ZIM2: variants seen among roughly 807,000 people sequenced by gnomAD.
The protein encoded by ZIM2 is zinc finger imprinted 2.
ZIM2 carries 14 observed loss-of-function variants against 38.6 expected under a neutral mutation model. The observed-to-expected ratio is 0.36, with a 90% confidence interval of 0.24 to 0.57. ZIM2 has a LOEUF of 0.57. Ranked by LOEUF, ZIM2 falls within the 20% of genes least tolerant of loss-of-function variation. The pLI, the probability that ZIM2 is intolerant of heterozygous loss-of-function variation, is 0.81. For missense variants in ZIM2, 680 were observed against 695.1 expected (o/e 0.98, Z 0.24); for synonymous variants, 247 against 245.8 (o/e 1.00, Z -0.04).
At chr19:56,794,724 G>A (rs2047107578) in intron 9 of ZIM2, among the ~76,000 whole-genome samples, 1 of 152,060 alleles carries the variant, frequency 6.6e-6, no homozygotes. Context: ...AGTCACAAGA[G>A]CCCCATTCTC....
intron 9 of ZIM2, among the ~76,000 whole-genome samples, chr19:56,794,970 C>T (rs1408984152): frequency 6.6e-6 from 1 of 152,194 alleles, no homozygotes; most frequent in East Asian, 1.9e-4. Context: ...ATACGGCTTT[C>T]TCTTTGTTTC....
intron 9 of ZIM2, chr19:56,811,502 TCA>T (rs1211940136): frequency 1.0e-6 from 1 of 983,120 alleles, no homozygotes; most frequent in Non-Finnish European, 1.2e-6. Flanking sequence ...GTTTAAACAA[TCA>T]TTCTCTTGTT....
At chr19:56,820,349 T>C (rs911376298) in intron 7 of ZIM2, among the ~76,000 whole-genome samples, 4 of 152,230 alleles carry the variant, frequency 2.6e-5, no homozygotes, top group Non-Finnish European at 5.9e-5. Flanking sequence ...ACTGAGTCAG[T>C]AGGAATCAGT....
chr19:56,805,067 C>G (rs1157849021), intron 9 of ZIM2, among the ~76,000 whole-genome samples: 1 of 152,190 alleles, frequency 6.6e-6, no homozygotes, highest in African/African-American at 2.4e-5. Context: ...CATCCTTCCT[C>G]TGCTCCAGGG....
intron 8 of ZIM2, among the ~76,000 whole-genome samples, chr19:56,818,061 A>T (rs1282319667): frequency 6.6e-6 from 1 of 152,252 alleles, no homozygotes; most frequent in Non-Finnish European, 1.5e-5. Flanking sequence ...ATGTGTACAA[A>T]GACCCCACAT....
Position 56,814,807 on chromosome 19 carries a change from C to T in ZIM2, c.490+2939G>A, listed in dbSNP as rs781680620. 1.3e-5 allele frequency: 21 copies of T among 1,614,072 alleles called. No individual in the cohort carries two copies. The highest frequency in any genetic ancestry group is 1.6e-4 in the Middle Eastern group (1 of 6,084). ...AAGAGCAGGATTCCTCTCTGCAGCA[C>T]GATTCCTCCGTGGCTTCATGGGCAA... On this transcript the variant is annotated intron_variant, in intron 9 of 12. Coordinates refer to ENST00000629319, the MANE Select transcript of ZIM2 (RefSeq NM_001387356.1). The surrounding 1 kb of genome is among the most constrained non-coding windows in gnomAD (Gnocchi z 5.8).
At chr19:56,838,260 C>A (rs1442331620) in intron 1 of ZIM2, among the ~76,000 whole-genome samples, 3 of 152,098 alleles carry the variant, frequency 2.0e-5, no homozygotes, top group Admixed American at 1.3e-4. Context: ...GGACCAGGCT[C>A]GGCAGCCCCT....
chr19:56,804,269 G>A (rs2047657482), intron 9 of ZIM2, among the ~76,000 whole-genome samples: 1 of 152,170 alleles, frequency 6.6e-6, no homozygotes, highest in Non-Finnish European at 1.5e-5. Context: ...ACCTTTTCAG[G>A]GTGGATAGAA....
In ZIM2 at chr19:56,816,504, CTGA is replaced by C. The variant is rs765883053; in HGVS notation, c.490+1239_490+1241del. Reference sequence around the variant, plus strand: ...ATGGGTTCCCTCTAGTATGGATTTTCTGATGTTCTTTCAGGGATGAGCTATGAA... The same window carrying C: ...ATGGGTTCCCTCTAGTATGGATTTTCTGTTCTTTCAGGGATGAGCTATGAA... On this transcript the variant is annotated intron_variant, in intron 9 of 12. Transcript: ENST00000629319. The C allele has an allele frequency of 6.2e-6, 10 of 1,613,136 alleles. No homozygotes were observed. The Admixed American group carries it at 1.5e-4, about 24-fold the overall frequency.
Position 56,822,820 on chromosome 19 carries a change from G to A in ZIM2, c.123C>T (p.Asp41=). Reference sequence around the variant, plus strand: ...CCATGTCTCTGCTTCTGCCCCTCCGGTCCCAGTCCCGGTCACCTAAGCAGG... The same window carrying A: ...CCATGTCTCTGCTTCTGCCCCTCCGATCCCAGTCCCGGTCACCTAAGCAGG... The part of the protein sequence containing the change: ...VHSFSGDRDW[D]RRGRSRDMEP... Residue 41 remains aspartate, a synonymous_variant, in exon 6 of 13, where the codon GAC becomes GAT. Transcript: ENST00000629319. 6.2e-7 allele frequency: 1 copy of A among 1,613,832 alleles called. No individual in the cohort carries two copies. Among genetic ancestry groups the A allele is most frequent in the African/African-American group, 1.3e-5 (1 of 74,992 alleles).
In ZIM2 at chr19:56,782,115, C is replaced by G. The variant is rs200378470; in HGVS notation, c.577G>C (p.Asp193His). ...AGAAATGTTCCTAAGTGTTTGAAGT[C>G]CGGGAACTATCCCAGAGAGAGGAGA... ...NLPSAGSQFP[D>H]FKHLGTFLVF... Residue 193 changes from aspartate to histidine, a missense_variant, in exon 11 of 13, where the codon GAC (aspartate) becomes CAC (histidine). Asp to His is a moderately conservative substitution (Grantham distance 81). Coordinates refer to ENST00000629319, the MANE Select transcript of ZIM2 (RefSeq NM_001387356.1). 6.6e-5 allele frequency: 106 copies of G among 1,613,464 alleles called. No homozygotes were observed. Among genetic ancestry groups the G allele is most frequent in the Non-Finnish European group, 3.1e-5 (36 of 1,179,658 alleles).
At position 56,781,939 on chromosome 19, in the gene ZIM2, G is replaced by C; in HGVS notation, c.739+14C>G. 6.2e-7 allele frequency: 1 copy of C among 1,611,836 alleles called. No individual in the cohort carries two copies. The highest frequency in any genetic ancestry group is 8.5e-7 in the Non-Finnish European group (1 of 1,178,408). On this transcript the variant is annotated intron_variant, in intron 11 of 12. Transcript: ENST00000629319. Reference sequence around the variant, plus strand: ...GTGGGAAGAAACCAAGTCCTGTGGAGAAGGCATACTTACCCAGGGAGACCA... The same window carrying C: ...GTGGGAAGAAACCAAGTCCTGTGGACAAGGCATACTTACCCAGGGAGACCA...
intron 1 of ZIM2, among the ~76,000 whole-genome samples, chr19:56,836,698 G>A (rs953644247): frequency 9.8e-5 from 15 of 152,306 alleles, no homozygotes; most frequent in Admixed American, 5.2e-4. Flanking sequence ...GATGGGCGCA[G>A]TGACTCGCGC....
At chr19:56,784,299 GCTTT>G (rs2046478961) in intron 10 of ZIM2, among the ~76,000 whole-genome samples, 2 of 151,878 alleles carry the variant, frequency 1.3e-5, no homozygotes, top group Admixed American at 1.3e-4. Context: ...TTTTTCTTGT[GCTTT>G]ATTTTACTTA....
intron 8 of ZIM2, among the ~76,000 whole-genome samples, chr19:56,818,388 T>C (rs1051682143): frequency 3.3e-5 from 5 of 152,204 alleles, no homozygotes; most frequent in Non-Finnish European, 7.3e-5. Context: ...GTCCCCACCC[T>C]GTACAATGTA....
At chr19:56,829,617 G>T (rs1446275013) in intron 2 of ZIM2, among the ~76,000 whole-genome samples, 1 of 152,208 alleles carries the variant, frequency 6.6e-6, no homozygotes. Flanking sequence ...CTCCTGCAGG[G>T]CTACCTGACA....
intron 9 of ZIM2, among the ~76,000 whole-genome samples, chr19:56,809,452 C>T (rs2047949326): frequency 6.6e-6 from 1 of 152,218 alleles, no homozygotes; most frequent in African/African-American, 2.4e-5. Context: ...GGGTATGGTG[C>T]TATCCACTGT....
rs531774478 is a variant in ZIM2 at position 56,784,509 on chromosome 19, C to T, written c.571-2388G>A. Among the ~76,000 whole-genome samples, 300 of 152,262 alleles carry T rather than the reference C, an allele frequency of 2.0e-3. 4 individuals carry two copies. Among genetic ancestry groups the T allele is most frequent in the African/African-American group, 6.8e-3 (283 of 41,556 alleles). On this transcript the variant is annotated intron_variant, in intron 10 of 12. Transcript: ENST00000629319. The stretch of plus-strand genomic sequence containing the variant: ...TCTCAGTCACAGTGTCATATTTAAA[C>T]GATGGTGGTCATGTGGTAGTCAGAG...
Position 56,814,362 on chromosome 19 carries a change from T to A in ZIM2, c.490+3384A>T, listed in dbSNP as rs774278346. The stretch of plus-strand genomic sequence containing the variant: ...CTGCTGCAGCTGCTGCTGCTTCATC[T>A]TCTTCTTCTTCTTCCAGATGAAGCT... On this transcript the variant is annotated intron_variant, in intron 9 of 12. Coordinates refer to ENST00000629319, the MANE Select transcript of ZIM2 (RefSeq NM_001387356.1). This position sits in a 1 kb window ranked among gnomAD's most constrained non-coding sequence, Gnocchi z 5.8. The A allele has an allele frequency of 4.3e-5, 68 of 1,598,586 alleles. No homozygotes were observed. The highest frequency in any genetic ancestry group is 2.7e-4 in the Admixed American group (16 of 59,666).
Sources: allele counts gnomAD v4.1 joint callset (sites outside exome capture counted in the v4.1 genomes callset), GRCh38; gene constraint gnomAD v4.1.1; non-coding constraint Gnocchi (gnomAD v3.1); transcripts MANE v1.5; gene names NCBI Gene and HGNC (gene_info 2026-07-23, HGNC 2026-07-21).